The following PTPRO variants were observed in gnomAD, a reference collection of about 807,000 sequenced individuals.
PTPRO encodes receptor-type tyrosine-protein phosphatase O.
PTPRO carries 62 observed loss-of-function variants against 145.2 expected under a neutral mutation model. The observed-to-expected ratio is 0.43, with a 90% CI of 0.35 to 0.53. The LOEUF (loss-of-function observed/expected upper bound fraction) is 0.53. Ranked by LOEUF, PTPRO falls within the 20% of genes least tolerant of loss-of-function variation. The probability of loss-of-function intolerance (pLI) is 0.01; values close to 1 mark genes in which losing one functional copy is unlikely to be tolerated. For missense variants in PTPRO, 1,345 were observed against 1,482.7 expected, an observed-to-expected ratio of 0.91 and a Z score of 1.53; for synonymous variants, 565 against 514.7, an observed-to-expected ratio of 1.10 and a Z score of -1.32.
At chr12:15,589,152 G>A (rs1000008393) in intron 24 of PTPRO, among the ~76,000 whole-genome samples, 1 of 152,218 alleles carries the variant, frequency 6.6e-6, no homozygotes, top group African/African-American at 2.4e-5. Flanking sequence ...GAGGTGGGAA[G>A]ATCACCTGAG....
chr12:15,511,253 T>G (rs75787506), intron 7 of PTPRO, among the ~76,000 whole-genome samples: 15,279 of 152,242 alleles, frequency 0.1, 1,394 homozygotes, highest in African/African-American at 0.24. Context: ...AACACATTAC[T>G]TAACATGCAG....
intron 5 of PTPRO, among the ~76,000 whole-genome samples, chr12:15,502,476 T>C (rs925500524): frequency 5.9e-5 from 9 of 152,232 alleles, no homozygotes; most frequent in Admixed American, 1.3e-4. Flanking sequence ...AAGTAATACT[T>C]ATGAAAACAT....
At chr12:15,359,396 C>CATT (rs1938101637) in intron 1 of PTPRO, among the ~76,000 whole-genome samples, 1 of 146,790 alleles carries the variant, frequency 6.8e-6, no homozygotes, top group Non-Finnish European at 1.5e-5. Context: ...TACTCTTGTG[C>CATT]ATTGGTCTAC....
At chr12:15,547,000 A>T (rs1257062151) in intron 13 of PTPRO, among the ~76,000 whole-genome samples, 1 of 152,220 alleles carries the variant, frequency 6.6e-6, no homozygotes, top group Non-Finnish European at 1.5e-5. Flanking sequence ...AGACCCTACA[A>T]TATAAAATAT....
At chr12:15,480,743 A>C (rs1941761132) in intron 1 of PTPRO, among the ~76,000 whole-genome samples, 1 of 151,618 alleles carries the variant, frequency 6.6e-6, no homozygotes, top group Non-Finnish European at 1.5e-5. Context: ...GGATGGATGG[A>C]TGGATGGATG....
intron 1 of PTPRO, chr12:15,410,307 A>C (rs944982212): frequency 6.6e-6 from 1 of 152,074 alleles, no homozygotes; most frequent in African/African-American, 2.4e-5. Context: ...TTTCCAGGAG[A>C]GATAAGTATT....
At chr12:15,554,467 G>C (rs1406568541) in intron 15 of PTPRO, among the ~76,000 whole-genome samples, 1 of 151,876 alleles carries the variant, frequency 6.6e-6, no homozygotes, top group Non-Finnish European at 1.5e-5. Flanking sequence ...AGGTATATGG[G>C]AGTTTATTAA....
Position 15,322,761 on chromosome 12 carries a change from G to A in PTPRO, c.35G>A (p.Arg12His), listed in dbSNP as rs527253479. The part of the protein sequence containing the change: ...GHLPTGIHGA[R>H]RLLPLLWLFV... ...CTGCCCACGGGGATACACGGCGCCCGCCGCCTCCTGCCTCTGCTCTGGCTC... is the reference window on the plus strand; with the variant it reads ...CTGCCCACGGGGATACACGGCGCCCACCGCCTCCTGCCTCTGCTCTGGCTC... The change falls in exon 1 of 27, where the codon CGC becomes CAC. Residue 12 changes from arginine (R) to histidine (H), a missense_variant. This residue lies in a region of PTPRO where 1,130 missense variants were observed against 1,214.7 expected (regional missense o/e 0.93). Coordinates refer to ENST00000281171, the MANE Select transcript of PTPRO (RefSeq NM_030667.3). The surrounding 1 kb of genome is among the most constrained non-coding windows in gnomAD (Gnocchi z 6.3). The A allele has an allele frequency of 5.0e-5, 80 of 1,612,552 alleles. 2 individuals are homozygous for A. In the South Asian group the frequency reaches 8.4e-4, roughly 17 times the overall value.
intron 7 of PTPRO, 129 bp downstream of exon 7, chr12:15,508,896 C>A: frequency 1.1e-6 from 1 of 933,306 alleles, no homozygotes; most frequent in Non-Finnish European, 1.7e-6. Context: ...TGTGACTGTT[C>A]CCAAGAGCCA....
chr12:15,432,318 G>A (rs1166255051), intron 1 of PTPRO, among the ~76,000 whole-genome samples: 1 of 152,162 alleles, frequency 6.6e-6, no homozygotes, highest in Non-Finnish European at 1.5e-5. Flanking sequence ...GCATGTCCCT[G>A]CAAAGGACAT....
At chr12:15,563,461 C>T (rs1435102272) in intron 17 of PTPRO, among the ~76,000 whole-genome samples, 1 of 152,050 alleles carries the variant, frequency 6.6e-6, no homozygotes, top group Admixed American at 6.6e-5. Flanking sequence ...TGTGGAGTTT[C>T]ATAATTCAAT....
At chr12:15,594,905 G>T in intron 25 of PTPRO, 32 bp from the exon 26 acceptor site, 2 of 1,478,036 alleles carry the variant, frequency 1.4e-6, no homozygotes, top group East Asian at 2.3e-5. Context: ...GCACATGTCT[G>T]CTCTGAAACC....
intron 1 of PTPRO, among the ~76,000 whole-genome samples, chr12:15,346,325 C>T (rs1364122227): frequency 6.6e-6 from 1 of 152,296 alleles, no homozygotes; most frequent in East Asian, 1.9e-4. Flanking sequence ...AATCTTTTTA[C>T]TTAAGTTTTC....
chr12:15,499,574 A>G lies in PTPRO; in HGVS notation c.641A>G (p.Glu214Gly). The G allele has an allele frequency of 6.2e-7, 1 of 1,613,890 alleles. No homozygotes were observed. Among genetic ancestry groups the G allele is most frequent in the East Asian group, 2.2e-5 (1 of 44,846 alleles). ...TLVEYSGVSHEPKQHRTAPYP... is the reference protein window; with the variant it reads ...TLVEYSGVSHGPKQHRTAPYP... ...GTTGAGTACAGTGGTGTCAGTCACG[A>G]ACCCAAACAGCACAGAACTGGTAAG... is the stretch of plus-strand genomic sequence containing the variant. The change falls in exon 4 of 27, where the codon GAA (glutamate) becomes GGA (glycine). Residue 214 changes from glutamate to glycine, a missense_variant. By Grantham distance (98) the Glu-to-Gly change is moderately conservative (BLOSUM62 -2). Around this residue, in one of 3 missense-constraint regions of PTPRO, gnomAD observed 1,130 missense variants for 1,214.7 expected, o/e 0.93. Coordinates refer to ENST00000281171, the MANE Select transcript of PTPRO (RefSeq NM_030667.3).
At chr12:15,400,403 T>A (rs1939459042) in intron 1 of PTPRO, among the ~76,000 whole-genome samples, 1 of 152,184 alleles carries the variant, frequency 6.6e-6, no homozygotes, top group South Asian at 2.1e-4. Context: ...TGCCTATTGT[T>A]CCCTGCCTTT....
intron 1 of PTPRO, among the ~76,000 whole-genome samples, chr12:15,453,266 C>G (rs535428726): frequency 3.3e-5 from 5 of 152,010 alleles, no homozygotes; most frequent in African/African-American, 1.2e-4. Flanking sequence ...TCTGGGATGA[C>G]AGGTATGAGC....
intron 1 of PTPRO, among the ~76,000 whole-genome samples, chr12:15,356,333 T>A (rs1346033028): frequency 6.6e-6 from 1 of 152,174 alleles, no homozygotes; most frequent in Non-Finnish European, 1.5e-5. Flanking sequence ...AAATTATTTC[T>A]CCCAATTTTC....
chr12:15,580,786 G>A lies in PTPRO; in HGVS notation c.3087G>A (p.Lys1029=). The change falls in exon 22 of 27, where the codon AAG becomes AAA. Residue 1029 remains lysine, a synonymous_variant. Transcript: ENST00000281171. Reference sequence around the variant, plus strand: ...TCTGGAAGATGGTCCTGCAACAAAAGTCTCAGATTATTGTCATGCTCACTC... The same window carrying A: ...TCTGGAAGATGGTCCTGCAACAAAAATCTCAGATTATTGTCATGCTCACTC... The part of the protein sequence containing the change: ...NDFWKMVLQQ[K]SQIIVMLTQC... The A allele has an allele frequency of 6.2e-7, 1 of 1,614,002 alleles. No homozygotes were observed. Among genetic ancestry groups the A allele is most frequent in the Non-Finnish European group, 8.5e-7 (1 of 1,179,926 alleles).
At chr12:15,355,186 G>T (rs751644646) in intron 1 of PTPRO, among the ~76,000 whole-genome samples, 1 of 152,146 alleles carries the variant, frequency 6.6e-6, no homozygotes, top group Admixed American at 6.5e-5. Flanking sequence ...TCTGACACAG[G>T]TCTCTTAAAG....
Sources: gnomAD v4.1 joint callset for allele counts (sites outside exome capture counted in the v4.1 genomes callset) on GRCh38, gnomAD v4.1.1 for gene constraint, gnomAD v4.1.1 regional missense constraint, Gnocchi (gnomAD v3.1) non-coding constraint, MANE v1.5 for transcripts, NCBI Gene and HGNC (gene_info 2026-07-23, HGNC 2026-07-21) for gene names.